The following TEX9 variants were observed in gnomAD, a reference collection of about 807,000 sequenced individuals.
TEX9 encodes the protein testis expressed 9.
Under a neutral mutation model 59.6 loss-of-function variants are expected in TEX9, and 74 were observed. The ratio of observed to expected loss-of-function variants is 1.24; its 90% CI spans 1.03 to 1.51. The LOEUF (loss-of-function observed/expected upper bound fraction) is 1.51. TEX9 is among the 40% of genes most tolerant of loss of function. TEX9 has a pLI of 0.00. For synonymous variants in TEX9, 186 were observed against 152.2 expected (o/e 1.22, Z -1.64); for missense variants, 522 against 447.8 (o/e 1.17, Z -1.49).
intron 1 of TEX9, among the ~76,000 whole-genome samples, chr15:56,311,976 C>G (rs1299130946): frequency 6.6e-6 from 1 of 150,580 alleles, no homozygotes; most frequent in Non-Finnish European, 1.5e-5. Context: ...CCTTTGCCCA[C>G]TTTTTGATGG....
At chr15:56,434,527 CATG>C in intron 12 of TEX9, 1 of 976,496 alleles carries the variant, frequency 1.0e-6, no homozygotes, top group African/African-American at 1.6e-5. Context: ...TAAGGCTTTT[CATG>C]ATAACTTTGT....
intron 1 of TEX9, among the ~76,000 whole-genome samples, chr15:56,336,744 G>A (rs2046264324): frequency 6.6e-6 from 1 of 152,160 alleles, no homozygotes; most frequent in African/African-American, 2.4e-5. Flanking sequence ...ATACTACAAG[G>A]AGCTGGTATG....
intron 1 of TEX9, among the ~76,000 whole-genome samples, chr15:56,346,809 G>A (rs1188008818): frequency 6.6e-6 from 1 of 152,138 alleles, no homozygotes; most frequent in Non-Finnish European, 1.5e-5. Flanking sequence ...ATTTGTAGAC[G>A]ACATTTGTCT....
At chr15:56,256,536 GA>G (rs1387255446) in intron 1 of TEX9, among the ~76,000 whole-genome samples, 1 of 151,726 alleles carries the variant, frequency 6.6e-6, no homozygotes, top group Non-Finnish European at 1.5e-5. Context: ...ATTACTAAAG[GA>G]AAAAAACATG....
intron 1 of TEX9, among the ~76,000 whole-genome samples, chr15:56,261,396 C>G (rs1331452831): frequency 6.6e-6 from 1 of 151,856 alleles, no homozygotes; most frequent in Non-Finnish European, 1.5e-5. Context: ...AGAACCCACA[C>G]AGTAATTTTA....
rs527487027 is a variant in TEX9 at position 56,244,482 on chromosome 15, C to G, written c.-107+204C>G. Among the ~76,000 whole-genome samples, 5 of 152,238 alleles carry G rather than the reference C, an allele frequency of 3.3e-5. No individual in the cohort carries two copies. In the South Asian group the frequency reaches 1.0e-3, roughly 32 times the overall value. On this transcript the variant is annotated intron_variant, in intron 1 of 5. Transcript: ENST00000560827. ...CGGCCTCCATCCCCCTGCAAGAACT[C>G]CCGGCTCCAATCAGGGAAGTCTCCA... is the stretch of plus-strand genomic sequence containing the variant.
intron 10 of TEX9, chr15:56,421,410 A>G (rs2049971072): frequency 1.3e-5 from 2 of 151,868 alleles, no homozygotes; most frequent in Admixed American, 6.5e-5. Context: ...ATCTTTGAGA[A>G]TCATGTCAGC....
chr15:56,457,406 A>G, the TEX9 span, among the ~76,000 whole-genome samples: 1 of 152,244 alleles, frequency 6.6e-6, no homozygotes, highest in South Asian at 2.1e-4. Flanking sequence ...TACCTATTGG[A>G]ATGGCTAAAA....
chr15:56,244,149 C>A (rs566708164), exon 1 of TEX9: 1 of 152,176 alleles, frequency 6.6e-6, no homozygotes, highest in South Asian at 2.1e-4. Flanking sequence ...TAATATTTGG[C>A]GTGGAAATGG....
intron 9 of TEX9, among the ~76,000 whole-genome samples, chr15:56,406,980 T>G (rs1447203549): frequency 6.6e-6 from 1 of 152,128 alleles, no homozygotes; most frequent in African/African-American, 2.4e-5. Context: ...AAATATTACT[T>G]TCTTGTGGTT....
At chr15:56,428,535 GTAAT>G in intron 12 of TEX9, 1 of 854,538 alleles carries the variant, frequency 1.2e-6, no homozygotes, top group Non-Finnish European at 1.8e-6. Flanking sequence ...TTCTTCATAA[GTAAT>G]ATATTTGATT....
intron 9 of TEX9, among the ~76,000 whole-genome samples, chr15:56,406,329 T>A (rs1347149297): frequency 2.0e-5 from 3 of 152,190 alleles, no homozygotes; most frequent in Non-Finnish European, 4.4e-5. Flanking sequence ...TTTATGGATA[T>A]GCCATATTTT....
At chr15:56,325,789 C>T (rs562428082) in intron 1 of TEX9, among the ~76,000 whole-genome samples, 1 of 152,182 alleles carries the variant, frequency 6.6e-6, no homozygotes, top group Admixed American at 6.5e-5. Flanking sequence ...CTGACTATAG[C>T]CAGTATTAAT....
At chr15:56,306,280 G>GAAAAAAAAAAAAA (rs2045484308) in intron 1 of TEX9, among the ~76,000 whole-genome samples, 6 of 72,004 alleles carry the variant, frequency 8.3e-5, no homozygotes, top group Admixed American at 1.4e-4. Context: ...AAAAAAAAAG[G>GAAAAAAAAAAAAA]AAATCAGTGT....
At chr15:56,271,366 T>C (rs1392937129) in intron 1 of TEX9, among the ~76,000 whole-genome samples, 5 of 152,250 alleles carry the variant, frequency 3.3e-5, no homozygotes, top group Non-Finnish European at 7.3e-5. Flanking sequence ...ACTTCTCTTC[T>C]CGCTTCATTT....
downstream of TEX9, among the ~76,000 whole-genome samples, chr15:56,446,227 T>C (rs994650125): frequency 3.3e-5 from 5 of 152,038 alleles, no homozygotes; most frequent in African/African-American, 1.2e-4. Flanking sequence ...TTGGCCCTTC[T>C]GTTTGATAAT....
chr15:56,292,912 T>C (rs1335283013), intron 1 of TEX9, among the ~76,000 whole-genome samples: 1 of 152,210 alleles, frequency 6.6e-6, no homozygotes, highest in Non-Finnish European at 1.5e-5. Context: ...TTTTTGTGCT[T>C]AGCTTCTTTC....
chr15:56,396,012 C>T (rs1194212172), intron 9 of TEX9: 2 of 151,948 alleles, frequency 1.3e-5, no homozygotes, highest in African/African-American at 2.4e-5. Flanking sequence ...GTTTCCTGTG[C>T]TTTTGGTGTC....
At chr15:56,442,514 TAAATA>T (rs1174398770) in intron 12 of TEX9, among the ~76,000 whole-genome samples, 1 of 152,066 alleles carries the variant, frequency 6.6e-6, no homozygotes, top group African/African-American at 2.4e-5. Flanking sequence ...GTGGACTGGA[TAAATA>T]AAATGTGGTA....
Sources: gnomAD v4.1 joint callset for allele counts (sites outside exome capture counted in the v4.1 genomes callset) on GRCh38, gnomAD v4.1.1 for gene constraint, MANE v1.5 for transcripts, NCBI Gene and HGNC (gene_info 2026-07-23, HGNC 2026-07-21) for gene names.